The following HARBI1 variants were observed in gnomAD, a reference collection of about 807,000 sequenced individuals.
HARBI1 encodes putative nuclease HARBI1.
HARBI1 carries 15 observed loss-of-function variants against 25.3 expected under a neutral mutation model. The ratio of observed to expected loss-of-function variants is 0.59; its 90% CI spans 0.40 to 0.91. HARBI1 has a LOEUF of 0.91. HARBI1 is among the 40% of genes least tolerant of loss of function. HARBI1 has a pLI of 0.00. For missense variants in HARBI1, 396 were observed against 445.8 expected (o/e 0.89, Z 1.01); for synonymous variants, 168 against 160.5 (o/e 1.05, Z -0.35).
chr11:46,604,743 A>G, intron 2 of HARBI1: 1 of 978,900 alleles, frequency 1.0e-6, no homozygotes, highest in Non-Finnish European at 1.2e-6. Flanking sequence ...GCCTTCCTAT[A>G]TATCACAATT....
chr11:46,608,641 A>C (rs1054513395), intron 2 of HARBI1, among the ~76,000 whole-genome samples: 3 of 147,342 alleles, frequency 2.0e-5, no homozygotes, highest in African/African-American at 7.7e-5. Context: ...TTTTTTTTGG[A>C]GATACAGTCT....
chr11:46,613,262 G>A (rs915918072), intron 2 of HARBI1, among the ~76,000 whole-genome samples: 3 of 152,016 alleles, frequency 2.0e-5, no homozygotes, highest in Non-Finnish European at 4.4e-5. Context: ...TGAGATTATA[G>A]GCGTGAGCCA....
intron 2 of HARBI1, among the ~76,000 whole-genome samples, chr11:46,609,071 C>T (rs1283460600): frequency 6.6e-6 from 1 of 151,090 alleles, no homozygotes; most frequent in African/African-American, 2.4e-5. Context: ...TTACAGGCGC[C>T]TGCCACCACA....
chr11:46,617,779 C>A, upstream of HARBI1: 1 of 399,118 alleles, frequency 2.5e-6, no homozygotes, highest in South Asian at 1.3e-4. Context: ...CGTGTACGGT[C>A]ACTGCAGCTC....
intron 2 of HARBI1, among the ~76,000 whole-genome samples, chr11:46,608,905 G>A (rs928877984): frequency 3.4e-5 from 5 of 146,542 alleles, no homozygotes; most frequent in Admixed American, 6.9e-5. Flanking sequence ...TTGAGCCACC[G>A]CACCTGACAA....
chr11:46,605,587 C>CTTTTTTTTTTTTTTTTTTTTT (rs11333482), intron 2 of HARBI1, among the ~76,000 whole-genome samples: 1 of 90,216 alleles, frequency 1.1e-5, no homozygotes, highest in African/African-American at 3.7e-5. Context: ...CAGGTATAAC[C>CTTTTTTTTTTTTTTTTTTTTT]TTTTTTTTTT....
chr11:46,615,992 T>C lies in HARBI1; in HGVS notation c.246A>G (p.Ser82=), dbSNP rs773083925. ...CTCCCATCCGAGTCTGGAAGGAACC[T>C]GAGGTATAAAAACCCAATGCTGCAA... is the stretch of plus-strand genomic sequence containing the variant. The part of the protein sequence containing the change: ...QVLAALGFYT[S]GSFQTRMGDA... The change falls in exon 2 of 3, where the codon TCA becomes TCG. Residue 82 remains serine, a synonymous_variant. Transcript: ENST00000326737. 5 of 1,614,206 alleles carry C rather than the reference T, an allele frequency of 3.1e-6. No individual in the cohort carries two copies. Among genetic ancestry groups the C allele is most frequent in the Non-Finnish European group, 4.2e-6 (5 of 1,180,040 alleles).
Position 46,617,133 on chromosome 11 carries a change from G to T in HARBI1, c.-154C>A. ...CAGGCCCGTCACCCACCTCTCCGCG[G>T]CTGCCAGGTTACCAGCCACACTTCC... is the stretch of plus-strand genomic sequence containing the variant. On this transcript the variant is annotated 5_prime_UTR_variant, in exon 1 of 3. Transcript: ENST00000326737. 2 of 413,020 alleles carry T rather than the reference G, an allele frequency of 4.8e-6. No homozygotes were observed. Among genetic ancestry groups the T allele is most frequent in the Non-Finnish European group, 6.5e-6 (2 of 306,990 alleles). The allele number at this position is 413,020 out of a possible 1,614,324, so 25.6% of individuals were successfully genotyped here.
At chr11:46,612,146 C>T (rs1199213049) in intron 2 of HARBI1, among the ~76,000 whole-genome samples, 1 of 152,104 alleles carries the variant, frequency 6.6e-6, no homozygotes, top group Non-Finnish European at 1.5e-5. Context: ...TGAGCATGTG[C>T]AGTGCAGATA....
At chr11:46,604,562 A>G in intron 2 of HARBI1, 2 of 985,386 alleles carry the variant, frequency 2.0e-6, no homozygotes, top group Non-Finnish European at 2.4e-6. Context: ...AAGAGATCCC[A>G]AAACACTTGT....
chr11:46,611,129 TC>T (rs1418832025), intron 2 of HARBI1, among the ~76,000 whole-genome samples: 1 of 148,220 alleles, frequency 6.7e-6, no homozygotes, highest in Non-Finnish European at 1.5e-5. Flanking sequence ...TGCCTCAGCC[TC>T]CGGAGTAGCT....
chr11:46,615,870 G>T lies in HARBI1; in HGVS notation c.368C>A (p.Ala123Asp), dbSNP rs745401140. 2 of 1,614,224 alleles carry T rather than the reference G, an allele frequency of 1.2e-6. No individual in the cohort carries two copies. Among genetic ancestry groups the T allele is most frequent in the East Asian group, 2.2e-5 (1 of 44,882 alleles). ...ERASQFIRFP[A>D]DEASIQALKD... ...CAGAGCCTGAATGGAGGCTTCATCA[G>T]CTGGAAAGCGAATGAACTGTGAGGC... Residue 123 changes from alanine to aspartate, a missense_variant, in exon 2 of 3, where the codon GCT becomes GAT. Coordinates refer to ENST00000326737, the MANE Select transcript of HARBI1 (RefSeq NM_173811.4).
At position 46,603,920 on chromosome 11, in the gene HARBI1, G is replaced by A. The variant is rs1350780605; in HGVS notation, c.671-11C>T. ...AGAAGGAACTGTCACCTGTGGGGAA[G>A]GCCCAAATAAATCATAAATGACTAT... On this transcript the variant is annotated splice_polypyrimidine_tract_variant and intron_variant, in intron 2 of 2. Transcript: ENST00000326737. The A allele has an allele frequency of 6.3e-7, 1 of 1,592,752 alleles. No individual in the cohort carries two copies. Among genetic ancestry groups the A allele is most frequent in the South Asian group, 1.1e-5 (1 of 88,468 alleles).
intron 2 of HARBI1, among the ~76,000 whole-genome samples, chr11:46,611,109 G>A (rs548130884): frequency 1.2e-3 from 178 of 145,196 alleles, no homozygotes; most frequent in Non-Finnish European, 2.1e-3. Flanking sequence ...CCGGGTTCAC[G>A]CCATTCTCCT....
rs1265151671 is a variant in HARBI1, at chr11:46,603,443, T to C, written c.*87A>G. ...TGACAAGTATCTGTATACTCAGTCA[T>C]GCTAGATGATGGAACTGTGTAAAAG... is the stretch of plus-strand genomic sequence containing the variant. On this transcript the variant is annotated 3_prime_UTR_variant, in exon 3 of 3. Coordinates refer to ENST00000326737, the MANE Select transcript of HARBI1 (RefSeq NM_173811.4). 1.7e-6 allele frequency: 2 copies of C among 1,155,476 alleles called. No homozygotes were observed. Among genetic ancestry groups the C allele is most frequent in the African/African-American group, 3.1e-5 (2 of 64,552 alleles). 71.6% of individuals were successfully genotyped at this position (1,155,476 alleles called of 1,614,324 possible).
chr11:46,606,531 C>T (rs1336354944), intron 2 of HARBI1, among the ~76,000 whole-genome samples: 1 of 152,098 alleles, frequency 6.6e-6, no homozygotes, highest in Non-Finnish European at 1.5e-5. Context: ...CCAGGCTGGT[C>T]TCAAACTCCC....
chr11:46,616,965 G>A (rs1565365329), intron 1 of HARBI1, 159 bp downstream of exon 1: 1 of 985,100 alleles, frequency 1.0e-6, no homozygotes. Flanking sequence ...TGAGGGCCAG[G>A]AAGTACGGAA....
rs560127848 is a variant in HARBI1 at position 46,613,559 on chromosome 11, T to C, written c.670+2009A>G. Reference sequence around the variant, plus strand: ...GTGCAGTGGCACGATCTTGGCTCACTGCAACCTCCACCTCCCAGGTTCAAT... The same window carrying C: ...GTGCAGTGGCACGATCTTGGCTCACCGCAACCTCCACCTCCCAGGTTCAAT... On this transcript the variant is annotated intron_variant, in intron 2 of 2. Coordinates refer to ENST00000326737, the MANE Select transcript of HARBI1 (RefSeq NM_173811.4). Among the ~76,000 whole-genome samples, 6 of 147,212 alleles carry C rather than the reference T, an allele frequency of 4.1e-5. 1 individual carries two copies. Among genetic ancestry groups the C allele is most frequent in the South Asian group, 4.6e-4 (2 of 4,394 alleles).
intron 2 of HARBI1, among the ~76,000 whole-genome samples, chr11:46,607,835 G>A (rs756200531): frequency 6.6e-5 from 10 of 151,490 alleles, no homozygotes; most frequent in Non-Finnish European, 1.2e-4. Context: ...TATTTAGAGG[G>A]GAATTTAGAT....
Sources: allele counts gnomAD v4.1 joint callset (sites outside exome capture counted in the v4.1 genomes callset), GRCh38; gene constraint gnomAD v4.1.1; transcripts MANE v1.5; gene names NCBI Gene and HGNC (gene_info 2026-07-23, HGNC 2026-07-21).